The following CAST variants were observed in gnomAD, a reference collection of about 807,000 sequenced individuals.
CAST encodes the protein calpastatin.
Under a neutral mutation model 119.6 loss-of-function variants are expected in CAST, and 76 were observed. That is an observed-to-expected ratio of 0.64 (90% confidence interval 0.53 to 0.77). The LOEUF (loss-of-function observed/expected upper bound fraction) is 0.77. Ranked by LOEUF, CAST falls within the 30% of genes least tolerant of loss-of-function variation. The pLI, the probability that CAST is intolerant of heterozygous loss-of-function variation, is 0.00. For missense variants in CAST, 953 were observed against 946.5 expected (o/e 1.01, Z -0.09); for synonymous variants, 319 against 331.6 (o/e 0.96, Z 0.41).
chr5:96,034,582 C>G, the CAST span, among the ~76,000 whole-genome samples: 1 of 151,096 alleles, frequency 6.6e-6, no homozygotes, highest in South Asian at 2.1e-4. Flanking sequence ...TAATCTAACT[C>G]ACATATGCAT....
the CAST span, among the ~76,000 whole-genome samples, chr5:96,089,013 G>A: frequency 1.3e-5 from 2 of 151,760 alleles, no homozygotes; most frequent in African/African-American, 4.8e-5. Flanking sequence ...CATCTAATTG[G>A]GGATCAGATG....
chr5:96,018,616 T>G, the CAST span, among the ~76,000 whole-genome samples: 5 of 152,324 alleles, frequency 3.3e-5, no homozygotes, highest in East Asian at 5.8e-4. Context: ...ACTTTATAGT[T>G]TCCCCAACAT....
At chr5:96,546,264 A>T (rs753656133) in intron 1 of CAST, 39 of 152,170 alleles carry the variant, frequency 2.6e-4, no homozygotes, top group Non-Finnish European at 4.8e-4. Context: ...CCAAAGTCAT[A>T]ACTTGAGGGA....
At chr5:96,483,303 A>G in the CAST span, among the ~76,000 whole-genome samples, 3 of 152,208 alleles carry the variant, frequency 2.0e-5, no homozygotes, top group Non-Finnish European at 4.4e-5. Context: ...TCAACAAATA[A>G]GAACGGGTGC....
chr5:96,473,480 T>C, the CAST span, among the ~76,000 whole-genome samples: 2 of 152,240 alleles, frequency 1.3e-5, no homozygotes, highest in African/African-American at 4.8e-5. Flanking sequence ...CAGGAAGTCA[T>C]TGAGAATCCA....
At chr5:96,725,985 T>C (rs1226629088) in intron 4 of CAST, among the ~76,000 whole-genome samples, 2 of 152,182 alleles carry the variant, frequency 1.3e-5, no homozygotes, top group Admixed American at 6.5e-5. Context: ...TTGAAGAAAG[T>C]ATGTGTCTTC....
At chr5:96,249,879 C>T in the CAST span, among the ~76,000 whole-genome samples, 1 of 152,166 alleles carries the variant, frequency 6.6e-6, no homozygotes. Context: ...ATAGATTTGG[C>T]ATTCATCCTA....
intron 19 of CAST, among the ~76,000 whole-genome samples, chr5:96,749,960 C>A (rs553153564): frequency 2.6e-5 from 4 of 152,118 alleles, no homozygotes; most frequent in Non-Finnish European, 4.4e-5. Context: ...ACTCTACCCC[C>A]AAAGTTTCTT....
the CAST span, among the ~76,000 whole-genome samples, chr5:96,425,258 G>T: frequency 6.6e-6 from 1 of 152,162 alleles, no homozygotes; most frequent in African/African-American, 2.4e-5. Flanking sequence ...CACCCTGCAG[G>T]TAGACAGCAA....
At position 96,773,866 on chromosome 5, in the gene CAST, T is replaced by G. The variant is rs907335465; in HGVS notation, c.*1250T>G. 1 of 152,322 alleles carries G rather than the reference T, an allele frequency of 6.6e-6. No individual in the cohort carries two copies. 9.4% of individuals were successfully genotyped at this position (152,322 alleles called of 1,614,324 possible). ...GGGCATGGCCTTCCTTAGCATCAGT[T>G]TGAAGCTTTTGTTATGACTTAGCTG... On this transcript the variant is annotated 3_prime_UTR_variant, in exon 32 of 32. Coordinates refer to ENST00000675179, the MANE Select transcript of CAST (RefSeq NM_001750.7).
the CAST span, among the ~76,000 whole-genome samples, chr5:96,138,997 C>A: frequency 6.6e-6 from 1 of 152,032 alleles, no homozygotes; most frequent in East Asian, 1.9e-4. Context: ...CCTCACCTTG[C>A]ACCTAATTTA....
the CAST span, among the ~76,000 whole-genome samples, chr5:96,464,135 G>C: frequency 2.0e-5 from 3 of 151,852 alleles, no homozygotes; most frequent in Non-Finnish European, 4.4e-5. Context: ...TTTGGTTTTT[G>C]TTTAAGATAC....
At chr5:96,036,578 G>A in the CAST span, among the ~76,000 whole-genome samples, 17 of 152,046 alleles carry the variant, frequency 1.1e-4, no homozygotes, top group Non-Finnish European at 2.1e-4. Flanking sequence ...GCCTTGCTTG[G>A]TGAATATTTA....
In CAST at chr5:96,736,094, A is replaced by C. The variant is rs1761579288; in HGVS notation, c.631-78A>C. 1.2e-5 allele frequency: 10 copies of C among 853,366 alleles called. No homozygotes were observed. In the East Asian group the frequency reaches 2.7e-4, roughly 23 times the overall value. The allele number at this position is 853,366 out of a possible 1,614,324, so 52.9% of individuals were successfully genotyped here. ...ATGATCAATGCTTGTTAATATAATG[A>C]ATTTATTTTAAAATTTGTAATAGTA... is the stretch of plus-strand genomic sequence containing the variant. On this transcript the variant is annotated intron_variant, in intron 9 of 31. Coordinates refer to ENST00000675179, the MANE Select transcript of CAST (RefSeq NM_001750.7).
chr5:96,159,021 G>A, the CAST span, among the ~76,000 whole-genome samples: 1 of 152,130 alleles, frequency 6.6e-6, no homozygotes, highest in Non-Finnish European at 1.5e-5. Flanking sequence ...CTTGCCAGGT[G>A]TGCTCAAACT....
At chr5:96,173,809 C>A in the CAST span, among the ~76,000 whole-genome samples, 2 of 151,500 alleles carry the variant, frequency 1.3e-5, no homozygotes, top group African/African-American at 2.4e-5. Flanking sequence ...GGCGCCATCT[C>A]GGCTCACTGC....
chr5:96,131,405 T>C, the CAST span, among the ~76,000 whole-genome samples: 1 of 150,896 alleles, frequency 6.6e-6, no homozygotes, highest in Non-Finnish European at 1.5e-5. Flanking sequence ...GTAAATTTAA[T>C]ATCTTGTTAT....
chr5:96,366,813 C>T, the CAST span, among the ~76,000 whole-genome samples: 4 of 152,172 alleles, frequency 2.6e-5, no homozygotes, highest in Non-Finnish European at 5.9e-5. Flanking sequence ...CATCTGAAGC[C>T]TTCTTCTCTC....
chr5:96,281,725 T>A, the CAST span, among the ~76,000 whole-genome samples: 5 of 152,264 alleles, frequency 3.3e-5, no homozygotes, highest in African/African-American at 7.2e-5. Flanking sequence ...TTAAAAAAGG[T>A]ATCTGAAAGC....
Sources: gnomAD v4.1 joint callset for allele counts (sites outside exome capture counted in the v4.1 genomes callset) on GRCh38, gnomAD v4.1.1 for gene constraint, MANE v1.5 for transcripts, NCBI Gene and HGNC (gene_info 2026-07-23, HGNC 2026-07-21) for gene names.